CSGALNACT1: variants seen among roughly 807,000 people sequenced by gnomAD.
CSGALNACT1 encodes the protein beta4GalNAcT-1.
Under a neutral mutation model 51.0 loss-of-function variants are expected in CSGALNACT1, and 52 were observed. The observed-to-expected ratio is 1.02, with a 90% CI of 0.82 to 1.29. The LOEUF is 1.29. Ranked by LOEUF, CSGALNACT1 falls within the 50% of genes most tolerant of loss-of-function variation. CSGALNACT1 has a pLI of 0.00. For synonymous variants in CSGALNACT1, 341 were observed against 254.4 expected, an observed-to-expected ratio of 1.34 and a Z score of -3.24; for missense variants, 935 against 679.2, an observed-to-expected ratio of 1.38 and a Z score of -4.19.
At chr8:19,496,286 C>T (rs190544021) in intron 4 of CSGALNACT1, among the ~76,000 whole-genome samples, 8 of 152,284 alleles carry the variant, frequency 5.3e-5, no homozygotes, top group East Asian at 1.9e-4. Flanking sequence ...GATCAGATCA[C>T]GGGATCCGAG....
In CSGALNACT1 at chr8:19,408,628, C is replaced by A. The variant is rs2054868908; in HGVS notation, c.1294G>T (p.Asp432Tyr). ...TTTGTCCTACCTATATTGATGAAGTCTGACCGATACTGACACGTCATCCCA... is the reference window on the plus strand; with the variant it reads ...TTTGTCCTACCTATATTGATGAAGTATGACCGATACTGACACGTCATCCCA... The change falls in exon 9 of 10, where the codon GAC (aspartate) becomes TAC (tyrosine). Residue 432 changes from aspartate to tyrosine, a missense_variant. Transcript: ENST00000454498. 1 of 1,613,926 alleles carries A rather than the reference C, an allele frequency of 6.2e-7. No individual in the cohort carries two copies. The highest frequency in any genetic ancestry group is 8.5e-7 in the Non-Finnish European group (1 of 1,179,970).
At chr8:19,404,607 A>AT (rs1554492617) in exon 10 of CSGALNACT1, 96 of 182,262 alleles carry the variant, frequency 5.3e-4, no homozygotes, top group African/African-American at 2.1e-3. Flanking sequence ...GATCTTTCAC[A>AT]ATATATATAT....
At chr8:19,498,561 C>G (rs150793910) in intron 4 of CSGALNACT1, among the ~76,000 whole-genome samples, 1,936 of 151,652 alleles carry the variant, frequency 0.013, 42 homozygotes, top group African/African-American at 0.044. Flanking sequence ...TGTGTACAAC[C>G]CAGCCAGAAC....
At chr8:19,536,808 T>A (rs144492877) in intron 3 of CSGALNACT1, among the ~76,000 whole-genome samples, 1 of 152,146 alleles carries the variant, frequency 6.6e-6, no homozygotes, top group African/African-American at 2.4e-5. Context: ...GGCAGAGAGA[T>A]AGATATACAG....
At chr8:19,584,906 C>T (rs113342933) in intron 3 of CSGALNACT1, among the ~76,000 whole-genome samples, 38 of 152,092 alleles carry the variant, frequency 2.5e-4, no homozygotes, top group Non-Finnish European at 4.4e-4. Context: ...GGGTACCAAC[C>T]GTAGACAGCA....
intron 8 of CSGALNACT1, among the ~76,000 whole-genome samples, chr8:19,409,064 G>A (rs902217688): frequency 1.3e-5 from 2 of 152,130 alleles, no homozygotes; most frequent in African/African-American, 4.8e-5. Context: ...CAGTGCCAGC[G>A]AGAATCGGAG....
chr8:19,452,564 C>A (rs1474608276), intron 5 of CSGALNACT1, among the ~76,000 whole-genome samples: 1 of 152,208 alleles, frequency 6.6e-6, no homozygotes, highest in East Asian at 1.9e-4. Context: ...ATCTCCCCCA[C>A]ATCCCACAGA....
At chr8:19,680,581 C>CAA (rs1176336019) in intron 1 of CSGALNACT1, among the ~76,000 whole-genome samples, 1 of 109,840 alleles carries the variant, frequency 9.1e-6, no homozygotes, top group Non-Finnish European at 2.0e-5. Flanking sequence ...CCCCCCCCCA[C>CAA]AAAAAAAGAG....
At chr8:19,487,595 A>C (rs372292120) in intron 4 of CSGALNACT1, among the ~76,000 whole-genome samples, 17 of 152,262 alleles carry the variant, frequency 1.1e-4, no homozygotes, top group African/African-American at 4.1e-4. Context: ...ACTTTGAAAG[A>C]CTCAACTGTT....
At chr8:19,633,416 A>G (rs1048090770) in intron 1 of CSGALNACT1, among the ~76,000 whole-genome samples, 1 of 152,226 alleles carries the variant, frequency 6.6e-6, no homozygotes, top group African/African-American at 2.4e-5. Flanking sequence ...GATATGTTAA[A>G]GTCTCAGCCC....
intron 1 of CSGALNACT1, among the ~76,000 whole-genome samples, chr8:19,712,760 T>A (rs1015730495): frequency 4.6e-5 from 7 of 152,156 alleles, no homozygotes; most frequent in Non-Finnish European, 7.3e-5. Context: ...GTTACCTTGC[T>A]AAAGACAGAT....
intron 3 of CSGALNACT1, among the ~76,000 whole-genome samples, chr8:19,570,442 A>C (rs552762633): frequency 6.6e-6 from 1 of 152,186 alleles, no homozygotes; most frequent in African/African-American, 2.4e-5. Context: ...TCAATAGTAC[A>C]CTCCTCATTA....
At chr8:19,544,552 C>A (rs2086030931) in intron 3 of CSGALNACT1, among the ~76,000 whole-genome samples, 1 of 152,120 alleles carries the variant, frequency 6.6e-6, no homozygotes, top group South Asian at 2.1e-4. Flanking sequence ...GAACAGATAT[C>A]CACCTGATTG....
At chr8:19,733,798 T>C (rs1025697937) in intron 1 of CSGALNACT1, among the ~76,000 whole-genome samples, 1 of 152,206 alleles carries the variant, frequency 6.6e-6, no homozygotes, top group Admixed American at 6.5e-5. Context: ...TTTGTTGTCA[T>C]TAAGGCCCTT....
chr8:19,482,778 C>G (rs2071792200), intron 4 of CSGALNACT1, among the ~76,000 whole-genome samples: 1 of 152,120 alleles, frequency 6.6e-6, no homozygotes, highest in African/African-American at 2.4e-5. Flanking sequence ...ATCAATAAGT[C>G]CTAACCCCTT....
chr8:19,686,556 C>T (rs2060989549), upstream of CSGALNACT1, among the ~76,000 whole-genome samples: 2 of 152,186 alleles, frequency 1.3e-5, no homozygotes, highest in Non-Finnish European at 2.9e-5. Context: ...CTGCCTCCTA[C>T]CAAGACTACA....
chr8:19,440,041 A>C, intron 5 of CSGALNACT1, 110 bp from the exon 5 acceptor site: 1 of 861,672 alleles, frequency 1.2e-6, no homozygotes, highest in Non-Finnish European at 1.9e-6. Context: ...AAACTAGGTA[A>C]ACTTCCAGGA....
intron 3 of CSGALNACT1, among the ~76,000 whole-genome samples, chr8:19,543,372 C>G (rs896203182): frequency 7.9e-5 from 12 of 152,190 alleles, no homozygotes; most frequent in South Asian, 2.1e-4. Flanking sequence ...AAGATCCGCC[C>G]TTGACAATGT....
intron 3 of CSGALNACT1, among the ~76,000 whole-genome samples, chr8:19,510,621 C>G (rs1457849021): frequency 2.0e-5 from 3 of 152,126 alleles, no homozygotes; most frequent in Non-Finnish European, 2.9e-5. Context: ...GAGCCCCAAA[C>G]AGACAAATAC....
Sources: allele counts gnomAD v4.1 joint callset (sites outside exome capture counted in the v4.1 genomes callset), GRCh38; gene constraint gnomAD v4.1.1; transcripts MANE v1.5; gene names NCBI Gene and HGNC (gene_info 2026-07-23, HGNC 2026-07-21).